GUCY2C: variants seen among roughly 807,000 people sequenced by gnomAD.
GUCY2C encodes guanylate cyclase 2C, also known as guanylyl cyclase C.
A neutral mutation model predicts 131.1 loss-of-function variants in GUCY2C; 118 were observed. The observed-to-expected ratio is 0.90, with a 90% CI of 0.78 to 1.05. The LOEUF is 1.05. Among genes scored for constraint, GUCY2C ranks in the 50% least tolerant of loss-of-function variants. GUCY2C has a pLI of 0.00. For synonymous variants in GUCY2C, 452 were observed against 457.8 expected, an observed-to-expected ratio of 0.99 and a Z score of 0.16; for missense variants, 1,161 against 1,304.4, an observed-to-expected ratio of 0.89 and a Z score of 1.69.
At chr12:14,664,230 G>C (rs1004255356) in intron 10 of GUCY2C, among the ~76,000 whole-genome samples, 3 of 152,126 alleles carry the variant, frequency 2.0e-5, no homozygotes, top group African/African-American at 7.2e-5. Flanking sequence ...GGTGAATTCT[G>C]TTTGTTACTA....
intron 1 of GUCY2C, among the ~76,000 whole-genome samples, chr12:14,692,024 G>A (rs548713532): frequency 3.9e-5 from 6 of 152,264 alleles, no homozygotes; most frequent in East Asian, 3.9e-4. Context: ...AAGTAGTAGC[G>A]CAGGGATTTG....
intron 1 of GUCY2C, among the ~76,000 whole-genome samples, chr12:14,690,113 G>A (rs1948548516): frequency 6.6e-6 from 1 of 152,160 alleles, no homozygotes; most frequent in South Asian, 2.1e-4. Flanking sequence ...ACAAAAATGT[G>A]TTCATTAGTG....
At position 14,641,131 on chromosome 12, in the gene GUCY2C, G is replaced by T; in HGVS notation, c.2019C>A (p.Ile673=). 1 of 1,613,726 alleles carries T rather than the reference G, an allele frequency of 6.2e-7. No homozygotes were observed. Residue 673 remains isoleucine (I), a synonymous_variant, in exon 18 of 27, where the codon ATC becomes ATA. Coordinates refer to ENST00000261170, the MANE Select transcript of GUCY2C (RefSeq NM_004963.4). The part of the protein sequence containing the change: ...VYSYGIIAQE[I]ILRKETFYTL... Reference sequence around the variant, plus strand: ...TGTAGAAGGTTTCTTTCCGCAGGATGATCTCCTGTGCGATGATCCCATAGC... The same window carrying T: ...TGTAGAAGGTTTCTTTCCGCAGGATTATCTCCTGTGCGATGATCCCATAGC...
intron 1 of GUCY2C, among the ~76,000 whole-genome samples, chr12:14,692,801 A>C (rs1376724964): frequency 6.6e-6 from 1 of 152,196 alleles, no homozygotes; most frequent in Non-Finnish European, 1.5e-5. Context: ...GTGAACTGAG[A>C]TCATGCCATT....
rs1322858243 is a variant in GUCY2C, at chr12:14,696,572, G to C, written c.-124C>G. On this transcript the variant is annotated 5_prime_UTR_variant, in exon 1 of 27. Coordinates refer to ENST00000261170, the MANE Select transcript of GUCY2C (RefSeq NM_004963.4). The stretch of plus-strand genomic sequence containing the variant: ...AGTCCCTCAGCCCACTCTTCCCCAC[G>C]CTTCTCTCTGGTCATGCCCAACTGG... 3 of 692,072 alleles carry C rather than the reference G, an allele frequency of 4.3e-6. No individual in the cohort carries two copies. The East Asian group carries it at 8.2e-5, about 19-fold the overall frequency. 42.9% of individuals were successfully genotyped at this position (692,072 alleles called of 1,614,324 possible).
chr12:14,656,286 A>G (rs1280068861), intron 12 of GUCY2C, among the ~76,000 whole-genome samples: 1 of 152,224 alleles, frequency 6.6e-6, no homozygotes, highest in East Asian at 1.9e-4. Context: ...AAGAACGAGA[A>G]CACACCATAT....
chr12:14,686,967 C>T (rs1948483826), intron 2 of GUCY2C, among the ~76,000 whole-genome samples: 2 of 152,150 alleles, frequency 1.3e-5, no homozygotes, highest in South Asian at 4.1e-4. Flanking sequence ...GCTGCTAAGA[C>T]AGCCTTTTCT....
chr12:14,689,641 G>A (rs7967855), intron 1 of GUCY2C, among the ~76,000 whole-genome samples: 2,541 of 152,232 alleles, frequency 0.017, 89 homozygotes, highest in African/African-American at 0.058. Flanking sequence ...AATGGAAGCC[G>A]TGATTATCTC....
chr12:14,667,949 T>G (rs1196617262), intron 10 of GUCY2C, among the ~76,000 whole-genome samples: 1 of 151,828 alleles, frequency 6.6e-6, no homozygotes, highest in Non-Finnish European at 1.5e-5. Context: ...CATAAATAAT[T>G]ATTTTTAATT....
intron 19 of GUCY2C, among the ~76,000 whole-genome samples, chr12:14,628,992 G>C (rs533595714): frequency 1.3e-5 from 2 of 152,242 alleles, no homozygotes; most frequent in Non-Finnish European, 2.9e-5. Flanking sequence ...GGGTTGATAC[G>C]GGAGACTAAG....
At chr12:14,629,255 T>C (rs1401788510) in intron 19 of GUCY2C, among the ~76,000 whole-genome samples, 1 of 151,876 alleles carries the variant, frequency 6.6e-6, no homozygotes, top group African/African-American at 2.4e-5. Context: ...ATTAAACAAC[T>C]TTTATTGGGG....
chr12:14,688,110 A>C, intron 1 of GUCY2C, 47 bp from the exon 2 acceptor site: 1 of 1,113,828 alleles, frequency 9.0e-7, no homozygotes. Context: ...GTTATTTTTC[A>C]GTAATTTATA....
Position 14,685,527 on chromosome 12 carries a change from A to G in GUCY2C, c.395+634T>C, listed in dbSNP as rs147406908. 1.8e-3 allele frequency among the ~76,000 whole-genome samples: 271 copies of G among 152,310 alleles called. 3 individuals carry two copies. The highest frequency in any genetic ancestry group is 6.3e-3 in the African/African-American group (262 of 41,570). On this transcript the variant is annotated intron_variant, in intron 3 of 26. Transcript: ENST00000261170. The stretch of plus-strand genomic sequence containing the variant: ...ACTTGAGCAGGATTTTGATTAGGGA[A>G]GGTGTAATTAGCAGAACAAAGTATT...
chr12:14,679,594 C>G lies in GUCY2C; in HGVS notation c.830+63G>C. 7.2e-6 allele frequency: 6 copies of G among 831,748 alleles called. No individual in the cohort carries two copies. The Admixed American group carries it at 1.1e-4, about 15-fold the overall frequency. The allele number at this position is 831,748 out of a possible 1,614,324, so 51.5% of individuals were successfully genotyped here. On this transcript the variant is annotated intron_variant, in intron 6 of 26. Coordinates refer to ENST00000261170, the MANE Select transcript of GUCY2C (RefSeq NM_004963.4). ...AGCAAGAGAAAAGAGAATGTGCCTT[C>G]TGGAAATCCTTGGAATACTTCCTTT...
At chr12:14,686,475 G>A (rs1948473049) in intron 2 of GUCY2C, among the ~76,000 whole-genome samples, 1 of 152,174 alleles carries the variant, frequency 6.6e-6, no homozygotes, top group South Asian at 2.1e-4. Flanking sequence ...GGTGAACCTG[G>A]CTTCCTTCTC....
intron 10 of GUCY2C, among the ~76,000 whole-genome samples, chr12:14,666,259 C>A (rs1234282980): frequency 6.6e-6 from 1 of 152,180 alleles, no homozygotes; most frequent in East Asian, 1.9e-4. Flanking sequence ...CACAATGACA[C>A]CCCCACACAT....
intron 13 of GUCY2C, 32 bp from the exon 14 acceptor site, chr12:14,652,062 G>C (rs1327261275): frequency 7.9e-7 from 1 of 1,262,308 alleles, no homozygotes. Context: ...AGGAGACAGT[G>C]TTGTGGTGTA....
chr12:14,639,715 T>C, intron 19 of GUCY2C, 147 bp downstream of exon 19: 1 of 613,230 alleles, frequency 1.6e-6, no homozygotes, highest in African/African-American at 1.8e-5. Flanking sequence ...TTAGCTCTTC[T>C]GGAGGAAGTG....
intron 19 of GUCY2C, among the ~76,000 whole-genome samples, chr12:14,637,849 A>G (rs1205893059): frequency 6.6e-6 from 1 of 152,222 alleles, no homozygotes; most frequent in Non-Finnish European, 1.5e-5. Context: ...TCAAAAGCAC[A>G]GGCAACCAAA....
Sources: allele counts gnomAD v4.1 joint callset (sites outside exome capture counted in the v4.1 genomes callset), GRCh38; gene constraint gnomAD v4.1.1; transcripts MANE v1.5; gene names NCBI Gene and HGNC (gene_info 2026-07-23, HGNC 2026-07-21).